Variants in ATP7B observed in about 807,000 individuals in gnomAD.
The protein encoded by ATP7B is ATPase copper transporting beta.
Under a neutral mutation model 118.9 loss-of-function variants are expected in ATP7B, and 113 were observed. The observed-to-expected ratio is 0.95, with a 90% CI of 0.82 to 1.11. The LOEUF (loss-of-function observed/expected upper bound fraction) is 1.11. Ranked by LOEUF, ATP7B falls within the 50% of genes most tolerant of loss-of-function variation. ATP7B has a pLI of 0.00. For synonymous variants in ATP7B, 777 were observed against 727.4 expected (o/e 1.07, Z -1.10); for missense variants, 1,867 against 1,871.4 (o/e 1.00, Z 0.04).
chr13:52,008,630 TAAG>T (rs966112577), intron 1 of ATP7B, among the ~76,000 whole-genome samples: 4 of 152,198 alleles, frequency 2.6e-5, no homozygotes, highest in Admixed American at 6.5e-5. Context: ...TACAACGGTT[TAAG>T]AAGCTCTATG....
intron 1 of ATP7B, among the ~76,000 whole-genome samples, chr13:52,000,062 C>T (rs1593864775): frequency 6.6e-6 from 1 of 152,198 alleles, no homozygotes; most frequent in Admixed American, 6.5e-5. Flanking sequence ...CCTCCAAGTG[C>T]TGCAGTGGCC....
chr13:51,976,669 G>A (rs934306638), intron 1 of ATP7B, among the ~76,000 whole-genome samples: 1 of 152,140 alleles, frequency 6.6e-6, no homozygotes, highest in African/African-American at 2.4e-5. Flanking sequence ...TGAGCTGTAT[G>A]GTGTAGCCTG....
chr13:51,953,009 C>T (rs1004988730), intron 9 of ATP7B, among the ~76,000 whole-genome samples: 1 of 152,160 alleles, frequency 6.6e-6, no homozygotes, highest in Non-Finnish European at 1.5e-5. Flanking sequence ...AAGACACACA[C>T]AGAAAGTTCA....
intron 1 of ATP7B, chr13:51,975,668 G>A: frequency 2.2e-6 from 1 of 455,074 alleles, no homozygotes; most frequent in East Asian, 6.9e-5. Flanking sequence ...TCTCTTTCTA[G>A]GGGTGTCTGT....
chr13:51,989,645 C>G (rs1924611), intron 1 of ATP7B, among the ~76,000 whole-genome samples: 63,033 of 151,992 alleles, frequency 0.41, 14,790 homozygotes, highest in East Asian at 0.53. Flanking sequence ...AATTCACAAA[C>G]TATAAGACAG....
intron 9 of ATP7B, among the ~76,000 whole-genome samples, chr13:51,951,199 C>G (rs1957983492): frequency 6.6e-6 from 1 of 151,970 alleles, no homozygotes; most frequent in Non-Finnish European, 1.5e-5. Flanking sequence ...AAGAAATACA[C>G]AGCATATTCT....
At position 51,944,262 on chromosome 13, in the gene ATP7B, G is replaced by A. The variant is rs752162642; in HGVS notation, c.3090C>T (p.Gly1030=). The change falls in exon 14 of 21, where the codon GGC becomes GGT. Residue 1030 remains glycine (G), a synonymous_variant. Coordinates refer to ENST00000242839, the MANE Select transcript of ATP7B (RefSeq NM_000053.4). ...KIKTVMFDKT[G]TITHGVPRVM... The stretch of plus-strand genomic sequence containing the variant: ...CCCTGGGGACGCCATGGGTAATGGT[G>A]CCAGTCTTGTCAAACATCACAGTCT... The A allele has an allele frequency of 4.3e-6, 7 of 1,614,040 alleles. No homozygotes were observed. Among genetic ancestry groups the A allele is most frequent in the Non-Finnish European group, 5.9e-6 (7 of 1,180,014 alleles).
chr13:51,966,979 G>A, intron 4 of ATP7B: 1 of 1,613,554 alleles, frequency 6.2e-7, no homozygotes, highest in East Asian at 2.2e-5. Context: ...CACAGCTGAT[G>A]GCAGAAAAAC....
At chr13:51,994,443 T>A (rs1953092813) in intron 1 of ATP7B, among the ~76,000 whole-genome samples, 1 of 152,052 alleles carries the variant, frequency 6.6e-6, no homozygotes, top group South Asian at 2.1e-4. Flanking sequence ...TTTAAAGGAG[T>A]CTCTTGGAAA....
At chr13:51,998,460 G>A (rs1871987385) in intron 1 of ATP7B, among the ~76,000 whole-genome samples, 1 of 152,066 alleles carries the variant, frequency 6.6e-6, no homozygotes, top group African/African-American at 2.4e-5. Flanking sequence ...TTAAATAAAT[G>A]AGTTCAATTA....
intron 1 of ATP7B, among the ~76,000 whole-genome samples, chr13:52,007,337 G>T (rs1953822491): frequency 6.6e-6 from 1 of 152,138 alleles, no homozygotes; most frequent in Non-Finnish European, 1.5e-5. Context: ...TCCTAGATCT[G>T]CCTCTTATAA....
chr13:52,006,981 C>A (rs1355857074), intron 1 of ATP7B, among the ~76,000 whole-genome samples: 3 of 151,910 alleles, frequency 2.0e-5, no homozygotes, highest in Non-Finnish European at 4.4e-5. Context: ...TCTATGCATC[C>A]CCCTGCTTGG....
rs1593787510 is a variant in ATP7B, at chr13:51,974,014, AAGAACTGTTGC to A, written c.1195_1205del (p.Ala399LeufsTer2). Reference sequence around the variant, plus strand: ...CTGGGCTAATTACAGAGGGATTATAAAGAACTGTTGCAGTCCCTTCGGCCAAAGACACCGAT... The same window carrying A: ...CTGGGCTAATTACAGAGGGATTATAAAGTCCCTTCGGCCAAAGACACCGAT... On this transcript the variant is annotated frameshift_variant, in exon 2 of 21. Coordinates refer to ENST00000242839, the MANE Select transcript of ATP7B (RefSeq NM_000053.4). LOFTEE classifies it high-confidence loss of function. 1 of 1,614,136 alleles carries A rather than the reference AAGAACTGTTGC, an allele frequency of 6.2e-7. No individual in the cohort carries two copies. Among genetic ancestry groups the A allele is most frequent in the African/African-American group, 1.3e-5 (1 of 74,942 alleles).
chr13:51,965,745 G>C (rs1462268051), intron 4 of ATP7B, among the ~76,000 whole-genome samples: 1 of 152,218 alleles, frequency 6.6e-6, no homozygotes, highest in Admixed American at 6.5e-5. Flanking sequence ...GAAGGCTGCA[G>C]GGCTGGATGG....
chr13:51,973,619 A>C (rs923112127), intron 2 of ATP7B, among the ~76,000 whole-genome samples: 4 of 152,356 alleles, frequency 2.6e-5, no homozygotes, highest in Non-Finnish European at 5.9e-5. Context: ...GTGGCCCTCA[A>C]CCTTAGACTT....
At chr13:51,980,855 A>G (rs902480265) in intron 1 of ATP7B, among the ~76,000 whole-genome samples, 2 of 146,264 alleles carry the variant, frequency 1.4e-5, no homozygotes, top group Admixed American at 1.3e-4. Context: ...TGAGGCAAAC[A>G]TGTTATACAT....
intron 1 of ATP7B, among the ~76,000 whole-genome samples, chr13:51,987,577 G>A (rs1331516671): frequency 2.0e-5 from 3 of 152,050 alleles, no homozygotes; most frequent in Non-Finnish European, 4.4e-5. Context: ...AATTTCATAC[G>A]GAACCAAAAA....
intron 1 of ATP7B, among the ~76,000 whole-genome samples, chr13:51,985,126 T>C (rs193247380): frequency 1.3e-5 from 2 of 152,214 alleles, no homozygotes; most frequent in East Asian, 1.9e-4. Flanking sequence ...GACTGGCGAA[T>C]TGGATAAAGA....
intron 12 of ATP7B, among the ~76,000 whole-genome samples, chr13:51,946,809 T>C (rs1041727126): frequency 3.3e-5 from 5 of 152,198 alleles, no homozygotes; most frequent in Non-Finnish European, 7.3e-5. Context: ...ATGGAGATGA[T>C]AATGCATAGC....
Sources: allele counts gnomAD v4.1 joint callset (sites outside exome capture counted in the v4.1 genomes callset), GRCh38; gene constraint gnomAD v4.1.1; transcripts MANE v1.5; gene names NCBI Gene and HGNC (gene_info 2026-07-23, HGNC 2026-07-21).